Variants in SYBU observed in about 807,000 individuals in gnomAD.
SYBU encodes syntabulin.
A neutral mutation model predicts 35.9 loss-of-function variants in SYBU; 21 were observed. That is an observed-to-expected ratio of 0.58 (90% CI 0.41 to 0.84). The LOEUF is 0.84. Ranked by LOEUF, SYBU falls within the 40% of genes least tolerant of loss-of-function variation. The pLI, the probability that SYBU is intolerant of heterozygous loss-of-function variation, is 0.00. For synonymous variants in SYBU, 319 were observed against 324.3 expected (o/e 0.98, Z 0.18); for missense variants, 768 against 848.2 (o/e 0.91, Z 1.17).
intron 2 of SYBU, among the ~76,000 whole-genome samples, chr8:109,623,399 GGATTAAGGGTAGTA>G (rs1812651525): frequency 6.6e-6 from 1 of 152,172 alleles, no homozygotes; most frequent in South Asian, 2.1e-4. Flanking sequence ...TGAACACACA[GGATTAAGGGTAGTA>G]GAAAGAATAC....
At chr8:109,629,996 GT>G (rs1000708407) in intron 2 of SYBU, among the ~76,000 whole-genome samples, 9 of 151,764 alleles carry the variant, frequency 5.9e-5, no homozygotes, top group African/African-American at 2.2e-4. Flanking sequence ...GGGGTTGTTT[GT>G]TTTTTTCTTG....
chr8:109,622,688 T>A (rs995730965), intron 2 of SYBU, among the ~76,000 whole-genome samples: 5 of 152,240 alleles, frequency 3.3e-5, no homozygotes, highest in Non-Finnish European at 5.9e-5. Context: ...GAATGTGCCT[T>A]CTGTTTTCTT....
At chr8:109,669,941 T>C (rs1360992865) in intron 1 of SYBU, among the ~76,000 whole-genome samples, 1 of 152,220 alleles carries the variant, frequency 6.6e-6, no homozygotes, top group Non-Finnish European at 1.5e-5. Flanking sequence ...TCAGTATAAA[T>C]GTAGAGGTTT....
upstream of SYBU, chr8:109,645,206 C>T (rs1199633571): frequency 2.2e-6 from 1 of 456,680 alleles, no homozygotes; most frequent in African/African-American, 2.0e-5. Context: ...CCCTGGCCAC[C>T]CCTCCTTGGC....
chr8:109,653,459 A>C (rs1339835091), intron 1 of SYBU, among the ~76,000 whole-genome samples: 1 of 152,108 alleles, frequency 6.6e-6, no homozygotes, highest in South Asian at 2.1e-4. Context: ...TGGTGGATTC[A>C]ATGCCAAGAC....
At position 109,604,676 on chromosome 8, in the gene SYBU, G is replaced by A. The variant is rs1000139632; in HGVS notation, c.427+14166C>T. 3.3e-5 allele frequency among the ~76,000 whole-genome samples: 5 copies of A among 152,310 alleles called. No homozygotes were observed. The Middle Eastern group carries it at 0.017, about 522-fold the overall frequency. On this transcript the variant is annotated intron_variant, in intron 3 of 6. Transcript: ENST00000276646. The stretch of plus-strand genomic sequence containing the variant: ...ATCCCTTTACTGTCCCTGGTTCTCT[G>A]GGCTGGGCAGTATAGGAGGCTATGG...
At chr8:109,640,229 A>T (rs772301938) in intron 2 of SYBU, among the ~76,000 whole-genome samples, 1 of 152,190 alleles carries the variant, frequency 6.6e-6, no homozygotes, top group African/African-American at 2.4e-5. Context: ...CCTTAGCCAG[A>T]GACAGGTCTC....
intron 2 of SYBU, 106 bp from the exon 3 acceptor site, chr8:109,619,145 C>T: frequency 1.3e-6 from 1 of 789,910 alleles, no homozygotes; most frequent in African/African-American, 1.7e-5. Context: ...CGCACACGTA[C>T]ACTCTGCTTA....
intron 3 of SYBU, among the ~76,000 whole-genome samples, chr8:109,617,238 C>G (rs1260720361): frequency 6.6e-6 from 1 of 152,120 alleles, no homozygotes; most frequent in Non-Finnish European, 1.5e-5. Context: ...TGTACAAAAG[C>G]CCACATACTG....
At chr8:109,602,429 A>ATTTT (rs751669435) in intron 3 of SYBU, among the ~76,000 whole-genome samples, 7 of 132,642 alleles carry the variant, frequency 5.3e-5, no homozygotes, top group African/African-American at 2.0e-4. Context: ...CCTCTGTGTA[A>ATTTT]TTTTTTTTTT....
rs752969408 is a variant in SYBU, at chr8:109,577,958, T to C, written c.794A>G (p.Glu265Gly). The C allele has an allele frequency of 1.2e-6, 2 of 1,614,050 alleles. No individual in the cohort carries two copies. Among genetic ancestry groups the C allele is most frequent in the South Asian group, 2.2e-5 (2 of 91,046 alleles). Reference protein sequence around the residue: ...ENHGVRPPNPEQYLTPLQQKE... With the variant: ...ENHGVRPPNPGQYLTPLQQKE... ...CTGCTGCAGTGGAGTCAAATACTGC[T>C]CTGGGTTTGGGGGTCTGACACCATG... The change falls in exon 6 of 7, where the codon GAG (glutamate) becomes GGG (glycine). Residue 265 changes from glutamate (E) to glycine (G), a missense_variant. Glu to Gly is a moderately conservative substitution (Grantham distance 98, BLOSUM62 -2). Transcript: ENST00000276646.
rs1465080136 is a variant in SYBU at position 109,574,864 on chromosome 8, C to A, written c.*42G>T. The stretch of plus-strand genomic sequence containing the variant: ...CTTCCTGTTTCTCTACCTGGCACAA[C>A]CCACATGGGACACATTGGCACACGG... On this transcript the variant is annotated 3_prime_UTR_variant, in exon 7 of 7. Transcript: ENST00000276646. 24 of 1,502,318 alleles carry A rather than the reference C, an allele frequency of 1.6e-5. No individual in the cohort carries two copies. Among genetic ancestry groups the A allele is most frequent in the Non-Finnish European group, 2.1e-5 (24 of 1,125,522 alleles). 93.1% of individuals were successfully genotyped at this position (1,502,318 alleles called of 1,614,324 possible). A position where few individuals can be genotyped will look rare whatever the true frequency, so the allele number is the denominator to read the frequency against.
At chr8:109,591,506 A>ATTTTTTTTT (rs1047402673) in intron 3 of SYBU, among the ~76,000 whole-genome samples, 11 of 100,942 alleles carry the variant, frequency 1.1e-4, no homozygotes, top group African/African-American at 2.9e-4. Context: ...AAAAATGTAA[A>ATTTTTTTTT]TTTTTTTTTT....
intron 2 of SYBU, among the ~76,000 whole-genome samples, chr8:109,626,191 CT>C (rs1269189414): frequency 6.6e-6 from 1 of 152,120 alleles, no homozygotes; most frequent in East Asian, 1.9e-4. Flanking sequence ...CTTTTGTTTG[CT>C]TTTGACTTGA....
At chr8:109,688,938 G>A (rs2130792869) in intron 1 of SYBU, among the ~76,000 whole-genome samples, 1 of 152,234 alleles carries the variant, frequency 6.6e-6, no homozygotes, top group Non-Finnish European at 1.5e-5. Context: ...ACTCCAGCAT[G>A]ATTAGTTACA....
At chr8:109,594,705 C>T (rs1057005657) in intron 3 of SYBU, among the ~76,000 whole-genome samples, 12 of 152,106 alleles carry the variant, frequency 7.9e-5, no homozygotes, top group African/African-American at 2.4e-4. Flanking sequence ...ATGTCTCGCA[C>T]GTGGCTCACT....
intron 1 of SYBU, among the ~76,000 whole-genome samples, chr8:109,673,178 T>C (rs1040921673): frequency 2.0e-5 from 3 of 152,186 alleles, no homozygotes; most frequent in African/African-American, 7.2e-5. Context: ...GCACTCGAGC[T>C]CTGCTAAGGG....
At chr8:109,605,674 G>T (rs1016589736) in intron 3 of SYBU, among the ~76,000 whole-genome samples, 3 of 152,204 alleles carry the variant, frequency 2.0e-5, no homozygotes, top group African/African-American at 7.2e-5. Flanking sequence ...CAGCACATAT[G>T]GCATTGGTTT....
Position 109,644,775 on chromosome 8 carries a change from T to C in SYBU, c.-116A>G, listed in dbSNP as rs910325522. 4.0e-5 allele frequency: 42 copies of C among 1,060,296 alleles called. No homozygotes were observed. The highest frequency in any genetic ancestry group is 4.8e-5 in the Non-Finnish European group (39 of 805,096). The allele number at this position is 1,060,296 out of a possible 1,614,324, so 65.7% of individuals were successfully genotyped here. A position where few individuals can be genotyped will look rare whatever the true frequency, so the allele number is the denominator to read the frequency against. ...CGGCGCGGGCTGCGGGCGGCGGCTC[T>C]TGGTGAGGCTCCAACGCGCCGCCGC... is the stretch of plus-strand genomic sequence containing the variant. On this transcript the variant is annotated 5_prime_UTR_variant, in exon 1 of 7. Coordinates refer to ENST00000276646, the MANE Select transcript of SYBU (RefSeq NM_001099754.2).
Sources: allele counts gnomAD v4.1 joint callset (sites outside exome capture counted in the v4.1 genomes callset), GRCh38; gene constraint gnomAD v4.1.1; transcripts MANE v1.5; gene names NCBI Gene and HGNC (gene_info 2026-07-23, HGNC 2026-07-21).